Variants in SLC22A16 observed in about 807,000 individuals in gnomAD.
The protein encoded by SLC22A16 is solute carrier family 22 member 16.
In SLC22A16, 53 loss-of-function variants were observed where a neutral mutation model predicts 52.9. The observed-to-expected ratio is 1.00, with a 90% CI of 0.80 to 1.26. The LOEUF is 1.26. Among genes scored for constraint, SLC22A16 ranks in the 50% most tolerant of loss-of-function variants. SLC22A16 has a pLI of 0.00. For missense variants in SLC22A16, 726 were observed against 704.0 expected, an observed-to-expected ratio of 1.03 and a Z score of -0.35; for synonymous variants, 291 against 268.8, an observed-to-expected ratio of 1.08 and a Z score of -0.81.
In SLC22A16 at chr6:110,442,587, G is replaced by A; in HGVS notation, c.840C>T (p.Pro280=). The change falls in exon 4 of 8, where the codon CCC becomes CCT. Residue 280 remains proline, a synonymous_variant. Transcript: ENST00000368919. ...GGAGCACCCAACAGCACAGGATAAA[G>A]GGGACAGTCACTGTGGAGAGGATCA... ...YQMILSTVTV[P]FILCCWVLPE... 4 of 1,614,184 alleles carry A rather than the reference G, an allele frequency of 2.5e-6. No homozygotes were observed. Among genetic ancestry groups the A allele is most frequent in the Non-Finnish European group, 3.4e-6 (4 of 1,180,034 alleles).
chr6:110,438,878 C>G (rs1205250273), intron 4 of SLC22A16, 31 bp from the exon 5 acceptor site: 1 of 1,611,184 alleles, frequency 6.2e-7, no homozygotes, highest in Admixed American at 1.7e-5. Flanking sequence ...CTCTATAAGT[C>G]TAGGTACCCG....
chr6:110,426,950 T>TA (rs904244871), intron 7 of SLC22A16, among the ~76,000 whole-genome samples: 12 of 140,752 alleles, frequency 8.5e-5, no homozygotes, highest in South Asian at 6.8e-4. Context: ...AACTCCGTCT[T>TA]AAAAAAAAAA....
chr6:110,449,117 A>C (rs1044741669), intron 2 of SLC22A16, among the ~76,000 whole-genome samples: 1 of 152,098 alleles, frequency 6.6e-6, no homozygotes, highest in Admixed American at 6.5e-5. Flanking sequence ...GACCAGGTGC[A>C]ACCAACTTTT....
intron 3 of SLC22A16, among the ~76,000 whole-genome samples, chr6:110,445,623 T>C (rs1775140185): frequency 6.6e-6 from 1 of 152,186 alleles, no homozygotes; most frequent in Non-Finnish European, 1.5e-5. Context: ...ATTTCACGGA[T>C]GTATTCTATG....
intron 3 of SLC22A16, among the ~76,000 whole-genome samples, chr6:110,444,280 G>A (rs1332460411): frequency 3.9e-5 from 6 of 152,024 alleles, no homozygotes; most frequent in African/African-American, 1.4e-4. Flanking sequence ...TGGGTTTTTT[G>A]GGAGGAGGAG....
intron 1 of SLC22A16, chr6:110,474,915 A>G (rs1776405912): frequency 1.9e-6 from 1 of 518,818 alleles, no homozygotes; most frequent in African/African-American, 1.9e-5. Flanking sequence ...GGGAACTAAG[A>G]TGTAAGTACC....
chr6:110,476,311 C>T (rs1294610901), intron 1 of SLC22A16: 2 of 1,369,210 alleles, frequency 1.5e-6, no homozygotes, highest in Non-Finnish European at 1.9e-6. Context: ...AGCGCCTCTG[C>T]TCACCATGCC....
At chr6:110,447,872 A>G (rs139992941) in intron 2 of SLC22A16, among the ~76,000 whole-genome samples, 453 of 152,314 alleles carry the variant, frequency 3.0e-3, no homozygotes, top group African/African-American at 0.011. Flanking sequence ...TAGCACCATT[A>G]TACGGATAAA....
At chr6:110,450,170 C>T (rs540021062) in intron 2 of SLC22A16, among the ~76,000 whole-genome samples, 2 of 149,626 alleles carry the variant, frequency 1.3e-5, no homozygotes, top group East Asian at 4.1e-4. Flanking sequence ...TTCCTTTTCC[C>T]TACTGGTTAA....
intron 3 of SLC22A16, among the ~76,000 whole-genome samples, chr6:110,443,787 G>A (rs563550514): frequency 1.7e-4 from 26 of 152,268 alleles, no homozygotes; most frequent in African/African-American, 4.6e-4. Context: ...CCAAGGGTCC[G>A]TCCATAGATG....
intron 3 of SLC22A16, among the ~76,000 whole-genome samples, chr6:110,443,534 TAAC>T (rs776193138): frequency 1.3e-5 from 2 of 151,290 alleles, no homozygotes; most frequent in South Asian, 4.2e-4. Flanking sequence ...AAAAAAAAAA[TAAC>T]AAGTTTTGGC....
At position 110,473,424 on chromosome 6, in the gene SLC22A16, G is replaced by A. The variant is rs564431411; in HGVS notation, c.53+3098C>T. Among the ~76,000 whole-genome samples the A allele has an allele frequency of 9.5e-5, 14 of 146,834 alleles. No individual in the cohort carries two copies. The South Asian group carries it at 2.9e-3, about 30-fold the overall frequency. On this transcript the variant is annotated intron_variant, in intron 1 of 7. Coordinates refer to ENST00000368919, the MANE Select transcript of SLC22A16 (RefSeq NM_033125.4). ...TGGAGCTTAAGCTGTGAAGTTTATG[G>A]AAACGATATGGTTTCAGGAGAAATC...
intron 2 of SLC22A16, among the ~76,000 whole-genome samples, chr6:110,449,891 G>C (rs868018308): frequency 6.6e-6 from 1 of 152,116 alleles, no homozygotes; most frequent in Non-Finnish European, 1.5e-5. Flanking sequence ...CCCCATTGTG[G>C]TTTTGTCTCT....
chr6:110,476,497 G>GCA (rs749735744), intron 1 of SLC22A16, 25 bp downstream of exon 1: 3 of 400,880 alleles, frequency 7.5e-6, no homozygotes, highest in East Asian at 5.0e-5. Context: ...CTCCCGCGTG[G>GCA]CGCCGCGGGG....
chr6:110,435,771 T>C (rs139741041), intron 6 of SLC22A16, 81 bp downstream of exon 6: 1 of 1,013,918 alleles, frequency 9.9e-7, no homozygotes. Flanking sequence ...AAGAAGCATT[T>C]ACATGTAAAG....
chr6:110,446,959 T>C lies in SLC22A16; in HGVS notation c.565A>G (p.Ser189Gly), dbSNP rs938232072. 6.2e-7 allele frequency: 1 copy of C among 1,613,926 alleles called. No homozygotes were observed. Among genetic ancestry groups the C allele is most frequent in the Non-Finnish European group, 8.5e-7 (1 of 1,179,900 alleles). ...LGRRVVLWAT[S>G]SSMFLFGIAA... ...ATTCCAAACAAAAACATGCTACTGCTTGTGGCCCACAAGACCACCCGGCGT... is the reference window on the plus strand; with the variant it reads ...ATTCCAAACAAAAACATGCTACTGCCTGTGGCCCACAAGACCACCCGGCGT... Residue 189 changes from serine to glycine, a missense_variant, in exon 3 of 8, where the codon AGC becomes GGC. Transcript: ENST00000368919.
intron 4 of SLC22A16, among the ~76,000 whole-genome samples, chr6:110,439,640 A>T (rs902864763): frequency 6.6e-6 from 1 of 152,228 alleles, no homozygotes; most frequent in East Asian, 1.9e-4. Flanking sequence ...AGATGGCACG[A>T]TGTCTACGTA....
intron 1 of SLC22A16, 70 bp from the exon 2 acceptor site, chr6:110,457,087 G>T: frequency 7.0e-7 from 1 of 1,422,308 alleles, no homozygotes; most frequent in Non-Finnish European, 9.4e-7. Flanking sequence ...CAAATTTGAA[G>T]GGTCTCCATC....
At chr6:110,473,420 T>A (rs895172960) in intron 1 of SLC22A16, among the ~76,000 whole-genome samples, 8 of 151,424 alleles carry the variant, frequency 5.3e-5, no homozygotes, top group African/African-American at 1.7e-4. Flanking sequence ...CTGTGAAGTT[T>A]ATGGAAACGA....
Sources: allele counts gnomAD v4.1 joint callset (sites outside exome capture counted in the v4.1 genomes callset), GRCh38; gene constraint gnomAD v4.1.1; transcripts MANE v1.5; gene names NCBI Gene and HGNC (gene_info 2026-07-23, HGNC 2026-07-21).